The following PDGFRA variants were observed in gnomAD, a reference collection of about 807,000 sequenced individuals.
The protein encoded by PDGFRA is platelet-derived growth factor receptor alpha.
In PDGFRA, 25 loss-of-function variants were observed where a neutral mutation model predicts 121.5. That is an observed-to-expected ratio of 0.21 (90% CI 0.15 to 0.29). PDGFRA has a LOEUF of 0.29. Ranked by LOEUF, PDGFRA falls within the 10% of genes least tolerant of loss-of-function variation. The pLI, the probability that PDGFRA is intolerant of heterozygous loss-of-function variation, is 1.00. For missense variants in PDGFRA, 1,008 were observed against 1,345.1 expected (o/e 0.75, Z 3.92); for synonymous variants, 463 against 494.8 (o/e 0.94, Z 0.85).
At chr4:54,271,366 T>G (rs1342439838) in intron 8 of PDGFRA, among the ~76,000 whole-genome samples, 1 of 152,212 alleles carries the variant, frequency 6.6e-6, no homozygotes, top group East Asian at 1.9e-4. Context: ...TCTAATTTAT[T>G]TGACCACAGA....
chr4:54,243,917 C>T (rs1024846306), intron 1 of PDGFRA, among the ~76,000 whole-genome samples: 7 of 152,352 alleles, frequency 4.6e-5, no homozygotes, highest in East Asian at 3.9e-4. Flanking sequence ...GATTATATCC[C>T]GCACATGGCT....
intron 1 of PDGFRA, among the ~76,000 whole-genome samples, chr4:54,236,232 G>A (rs1720999398): frequency 6.6e-6 from 1 of 152,184 alleles, no homozygotes; most frequent in African/African-American, 2.4e-5. Flanking sequence ...GGATTCTTAT[G>A]GTGCCATGTT....
intron 1 of PDGFRA, among the ~76,000 whole-genome samples, chr4:54,257,103 G>GTGA (rs1338886964): frequency 1.3e-5 from 2 of 152,156 alleles, no homozygotes; most frequent in African/African-American, 4.8e-5. Context: ...AACCAAGACG[G>GTGA]TGATGAAAGT....
chr4:54,267,194 A>G, intron 5 of PDGFRA, 95 bp from the exon 6 acceptor site: 1 of 1,183,938 alleles, frequency 8.4e-7, no homozygotes, highest in Non-Finnish European at 1.3e-6. Context: ...ACCTCCATTG[A>G]CACATCCATA....
chr4:54,248,284 C>G (rs1464261352), intron 1 of PDGFRA, among the ~76,000 whole-genome samples: 1 of 152,180 alleles, frequency 6.6e-6, no homozygotes, highest in African/African-American at 2.4e-5. Context: ...AAGAACAAAG[C>G]TGGAGGCATC....
At position 54,261,249 on chromosome 4, in the gene PDGFRA, T is replaced by C. The variant is rs751484076; in HGVS notation, c.204T>C (p.Asp68=). 5.0e-6 allele frequency: 8 copies of C among 1,614,072 alleles called. No individual in the cohort carries two copies. The East Asian group carries it at 1.1e-4, about 22-fold the overall frequency. The part of the protein sequence containing the change: ...QYPMSEEESS[D]VEIRNEENNS... ...CCATGTCTGAAGAAGAGAGCTCCGA[T>C]GTGGAAATCAGAAATGAAGAAAACA... Residue 68 remains aspartate, a synonymous_variant, in exon 3 of 23, where the codon GAT becomes GAC. Coordinates refer to ENST00000257290, the MANE Select transcript of PDGFRA (RefSeq NM_006206.6).
In PDGFRA at chr4:54,262,859, G is replaced by T. The variant is rs539867777; in HGVS notation, c.368-808G>T. ...ACACGAGTCCCTGAAGTTTTAATCC[G>T]TGTAAGATTGTCCAAAAATTCTTCT... is the stretch of plus-strand genomic sequence containing the variant. On this transcript the variant is annotated intron_variant, in intron 3 of 22. Coordinates refer to ENST00000257290, the MANE Select transcript of PDGFRA (RefSeq NM_006206.6). Among the ~76,000 whole-genome samples the T allele has an allele frequency of 5.3e-5, 8 of 152,252 alleles. No homozygotes were observed. In the South Asian group the frequency reaches 1.0e-3, roughly 20 times the overall value.
At chr4:54,258,867 T>A in intron 2 of PDGFRA, 50 bp downstream of exon 2, 1 of 1,480,776 alleles carries the variant, frequency 6.8e-7, no homozygotes. Context: ...TCTTGTTTTT[T>A]TAAGCTTTGT....
At chr4:54,254,586 T>C (rs1266705319) in intron 1 of PDGFRA, among the ~76,000 whole-genome samples, 2 of 152,198 alleles carry the variant, frequency 1.3e-5, no homozygotes, top group African/African-American at 4.8e-5. Context: ...AGATGCATCA[T>C]TGGCAAGCCT....
chr4:54,245,313 G>A (rs1359586465), intron 1 of PDGFRA, among the ~76,000 whole-genome samples: 1 of 152,226 alleles, frequency 6.6e-6, no homozygotes, highest in Non-Finnish European at 1.5e-5. Flanking sequence ...CAGCCAGAGA[G>A]TAAGGTCAGG....
chr4:54,256,058 T>C (rs1390571125), intron 1 of PDGFRA, among the ~76,000 whole-genome samples: 1 of 151,808 alleles, frequency 6.6e-6, no homozygotes, highest in Non-Finnish European at 1.5e-5. Context: ...CAGGATGAGA[T>C]AGGAGTTGGG....
intron 1 of PDGFRA, among the ~76,000 whole-genome samples, chr4:54,246,744 C>CA (rs1306864993): frequency 6.6e-6 from 1 of 150,796 alleles, no homozygotes; most frequent in East Asian, 1.9e-4. Context: ...AATAGAGACA[C>CA]AAAAAACCCT....
intron 22 of PDGFRA, 61 bp downstream of exon 22, chr4:54,290,615 AG>A (rs1258263447): frequency 4.4e-5 from 70 of 1,596,248 alleles, no homozygotes; most frequent in Non-Finnish European, 5.8e-5. Context: ...CCTGAAGGAG[AG>A]GACCCATTTT....
chr4:54,291,499 T>G (rs10003055), intron 22 of PDGFRA, among the ~76,000 whole-genome samples: 30,711 of 131,454 alleles, frequency 0.23, 3,776 homozygotes, highest in African/African-American at 0.36. Context: ...AAAGAAGACA[T>G]ACCTGCAGCC....
intron 8 of PDGFRA, among the ~76,000 whole-genome samples, chr4:54,271,521 T>G (rs910729050): frequency 6.6e-6 from 1 of 152,114 alleles, no homozygotes; most frequent in Non-Finnish European, 1.5e-5. Context: ...TCAAGCCAAA[T>G]AACCAAGGGA....
chr4:54,278,896 C>A (rs1487927580), intron 15 of PDGFRA: 1 of 467,844 alleles, frequency 2.1e-6, no homozygotes, highest in Non-Finnish European at 4.3e-6. Flanking sequence ...CCTTGCTGAA[C>A]CTGGACCTAT....
intron 1 of PDGFRA, among the ~76,000 whole-genome samples, chr4:54,246,836 G>A (rs1721701265): frequency 6.8e-6 from 1 of 147,844 alleles, no homozygotes; most frequent in African/African-American, 2.5e-5. Context: ...TAATAAAGAA[G>A]AAAAGAGAGA....
chr4:54,287,722 G>A (rs1311577750), intron 19 of PDGFRA, among the ~76,000 whole-genome samples, 181 bp downstream of exon 19: 3 of 152,204 alleles, frequency 2.0e-5, no homozygotes, highest in African/African-American at 4.8e-5. Flanking sequence ...CCATGCAGGT[G>A]GAGATGGGGG....
intron 1 of PDGFRA, among the ~76,000 whole-genome samples, chr4:54,257,918 G>T (rs76357374): frequency 5.9e-5 from 9 of 151,838 alleles, no homozygotes; most frequent in Admixed American, 3.9e-4. Context: ...CTCAATTTCC[G>T]TCTCTTTCTC....
Sources: allele counts gnomAD v4.1 joint callset (sites outside exome capture counted in the v4.1 genomes callset), GRCh38; gene constraint gnomAD v4.1.1; transcripts MANE v1.5; gene names NCBI Gene and HGNC (gene_info 2026-07-23, HGNC 2026-07-21).